The following STON1 variants were observed in gnomAD, a reference collection of about 807,000 sequenced individuals.
STON1 encodes stonin 1, also known as stonin-1.
A neutral mutation model predicts 60.9 loss-of-function variants in STON1; 79 were observed. The observed-to-expected ratio is 1.30, with a 90% CI of 1.08 to 1.56. The LOEUF (loss-of-function observed/expected upper bound fraction) is 1.56, where lower values mean the gene tolerates loss of function less well. Among genes scored for constraint, STON1 ranks in the 40% most tolerant of loss-of-function variants. STON1 has a pLI of 0.00. For missense variants in STON1, 1,166 were observed against 858.9 expected (o/e 1.36, Z -4.47); for synonymous variants, 363 against 306.9 (o/e 1.18, Z -1.91).
intron 2 of STON1, among the ~76,000 whole-genome samples, chr2:48,590,813 T>C (rs901260452): frequency 2.6e-5 from 4 of 152,212 alleles, no homozygotes; most frequent in African/African-American, 7.2e-5. Flanking sequence ...TGCCCATTTC[T>C]ACTCTGTATA....
intron 1 of STON1, among the ~76,000 whole-genome samples, chr2:48,559,203 T>G (rs1427725748): frequency 1.3e-5 from 2 of 152,190 alleles, no homozygotes; most frequent in African/African-American, 4.8e-5. Context: ...GTTACTTTAT[T>G]TAGTATGTGC....
Position 48,591,832 on chromosome 2 carries a change from C to T in STON1, c.2110C>T (p.Gln704Ter). 1 of 1,614,098 alleles carries T rather than the reference C, an allele frequency of 6.2e-7. No homozygotes were observed. ...TGTCCAGCCACAGAAACATGTTCAG[C>T]AGCGAGCTTGCTACAACATCCAGGT... ...SDVQPQKHVQ[Q>*]RACYNIQVEI... The change falls in exon 3 of 4, where the codon CAG (glutamine) becomes TAG (stop). Residue 704 changes from glutamine (Q) to a stop codon, truncating the protein, a stop_gained. Coordinates refer to ENST00000404752, the MANE Select transcript of STON1 (RefSeq NM_006873.4). LOFTEE classifies it high-confidence loss of function.
At chr2:48,543,270 C>T (rs757213435) in intron 1 of STON1, among the ~76,000 whole-genome samples, 6 of 151,928 alleles carry the variant, frequency 3.9e-5, no homozygotes, top group African/African-American at 1.5e-4. Context: ...CCATTGCACC[C>T]GGCCATATCT....
intron 1 of STON1, among the ~76,000 whole-genome samples, chr2:48,554,247 A>C (rs1672216153): frequency 6.6e-6 from 1 of 152,052 alleles, no homozygotes; most frequent in African/African-American, 2.4e-5. Flanking sequence ...TTTGAGACAG[A>C]GTCTCTCTTT....
At chr2:48,578,945 A>G (rs1391627211) in intron 1 of STON1, among the ~76,000 whole-genome samples, 1 of 151,898 alleles carries the variant, frequency 6.6e-6, no homozygotes, top group Admixed American at 6.6e-5. Flanking sequence ...CATCTCTGGT[A>G]TAAGATTACA....
At chr2:48,576,633 A>G (rs1032189996) in intron 1 of STON1, among the ~76,000 whole-genome samples, 1 of 151,050 alleles carries the variant, frequency 6.6e-6, no homozygotes, top group Non-Finnish European at 1.5e-5. Flanking sequence ...TTTTCTGGCT[A>G]TTTGTATGTC....
chr2:48,550,518 A>C (rs1473849059), intron 1 of STON1, among the ~76,000 whole-genome samples: 2 of 148,652 alleles, frequency 1.3e-5, no homozygotes, highest in African/African-American at 4.9e-5. Flanking sequence ...AAAGACAAAA[A>C]CCCCACATAT....
intron 1 of STON1, among the ~76,000 whole-genome samples, chr2:48,563,103 G>T (rs1672675965): frequency 6.6e-6 from 1 of 152,232 alleles, no homozygotes; most frequent in African/African-American, 2.4e-5. Flanking sequence ...GAGACAGACT[G>T]TGGCCCCATG....
chr2:48,544,352 G>C (rs1405888356), intron 1 of STON1, among the ~76,000 whole-genome samples: 1 of 152,158 alleles, frequency 6.6e-6, no homozygotes, highest in East Asian at 1.9e-4. Context: ...GCTAAGTCAG[G>C]AGTTTCATGA....
chr2:48,559,565 G>A (rs573208987), intron 1 of STON1, among the ~76,000 whole-genome samples: 1 of 152,234 alleles, frequency 6.6e-6, no homozygotes, highest in African/African-American at 2.4e-5. Context: ...TGAATTTTGG[G>A]AGACATAAAC....
At chr2:48,573,754 A>C (rs1352135768) in intron 1 of STON1, among the ~76,000 whole-genome samples, 2 of 152,276 alleles carry the variant, frequency 1.3e-5, no homozygotes, top group Non-Finnish European at 2.9e-5. Flanking sequence ...AAAGTAACTA[A>C]AAAGTGGAAA....
At chr2:48,530,384 G>A (rs866091731) in intron 1 of STON1, 168 bp downstream of exon 1, 8 of 246,062 alleles carry the variant, frequency 3.3e-5, no homozygotes, top group African/African-American at 1.2e-4. Context: ...GCCGCCCCCA[G>A]GGGCGCCCTG....
chr2:48,544,995 G>T (rs1441965200), intron 1 of STON1, among the ~76,000 whole-genome samples: 1 of 152,220 alleles, frequency 6.6e-6, no homozygotes, highest in African/African-American at 2.4e-5. Flanking sequence ...GCTTGAGGCA[G>T]AGCCTTATAC....
At chr2:48,589,921 GCAT>G (rs1252659808) in intron 2 of STON1, among the ~76,000 whole-genome samples, 2 of 152,180 alleles carry the variant, frequency 1.3e-5, no homozygotes, top group Non-Finnish European at 2.9e-5. Flanking sequence ...AGTGCTGTAT[GCAT>G]ATGAACTGGT....
At chr2:48,554,707 ATT>A (rs11475306) in intron 1 of STON1, among the ~76,000 whole-genome samples, 18,956 of 88,802 alleles carry the variant, frequency 0.21, 4,915 homozygotes, top group Non-Finnish European at 0.27. Flanking sequence ...TAAGTGCAAA[ATT>A]TTTTTTTTTT....
intron 1 of STON1, among the ~76,000 whole-genome samples, chr2:48,566,498 G>C (rs1031287874): frequency 2.1e-4 from 32 of 151,530 alleles, no homozygotes; most frequent in African/African-American, 7.8e-4. Flanking sequence ...GGTCAGGCTG[G>C]TCTCAATCTT....
chr2:48,530,483 G>C (rs1275678077), intron 1 of STON1: 1 of 159,064 alleles, frequency 6.3e-6, no homozygotes, highest in Non-Finnish European at 1.4e-5. Context: ...CGACTCTAAA[G>C]AGAAAACTCA....
chr2:48,537,675 C>G (rs1302375421), intron 1 of STON1, among the ~76,000 whole-genome samples: 1 of 151,704 alleles, frequency 6.6e-6, no homozygotes, highest in East Asian at 2.0e-4. Flanking sequence ...ATGGCGAAAC[C>G]CTATCTCTAC....
chr2:48,543,266 C>T (rs1171049574), intron 1 of STON1, among the ~76,000 whole-genome samples: 3 of 152,014 alleles, frequency 2.0e-5, no homozygotes, highest in East Asian at 1.9e-4. Flanking sequence ...TGAACCATTG[C>T]ACCCGGCCAT....
Sources: allele counts gnomAD v4.1 joint callset (sites outside exome capture counted in the v4.1 genomes callset), GRCh38; gene constraint gnomAD v4.1.1; transcripts MANE v1.5; gene names NCBI Gene and HGNC (gene_info 2026-07-23, HGNC 2026-07-21).